The following SATB2 variants were observed in gnomAD, a reference collection of about 807,000 sequenced individuals.
The protein encoded by SATB2 is DNA-binding protein SATB2.
In SATB2, 1 loss-of-function variant was observed where a neutral mutation model predicts 73.4. That is an observed-to-expected ratio of 0.01 (90% CI 0.00 to 0.06). The LOEUF is 0.06. Ranked by LOEUF, SATB2 falls within the 10% of genes least tolerant of loss-of-function variation. The probability of loss-of-function intolerance (pLI) is 1.00; values close to 1 mark genes in which losing one functional copy is unlikely to be tolerated. For synonymous variants in SATB2, 397 were observed against 367.0 expected, an observed-to-expected ratio of 1.08 and a Z score of -0.93; for missense variants, 459 against 945.8, an observed-to-expected ratio of 0.49 and a Z score of 6.75.
chr2:199,386,374 C>A (rs1689932648), intron 3 of SATB2, among the ~76,000 whole-genome samples: 1 of 152,086 alleles, frequency 6.6e-6, no homozygotes. Flanking sequence ...AGCGCTCATT[C>A]CAAGGGGAGA....
intron 3 of SATB2, among the ~76,000 whole-genome samples, chr2:199,431,366 C>A (rs1354003383): frequency 1.3e-5 from 2 of 152,168 alleles, no homozygotes; most frequent in African/African-American, 4.8e-5. Context: ...CCCCAAAACA[C>A]AGATCAGCAG....
At chr2:199,422,304 T>G (rs1051469661) in intron 3 of SATB2, among the ~76,000 whole-genome samples, 2 of 134,454 alleles carry the variant, frequency 1.5e-5, no homozygotes, top group South Asian at 4.9e-4. Context: ...AATTTTTAGT[T>G]TTTTTTTTTG....
rs1018090237 is a variant in SATB2, at chr2:199,406,394, T to C, written c.347-24574A>G. ...AATCTATTAAATTCCAAGCCCTATA[T>C]GTTAATATGTTTCATTTTTACAATG... On this transcript the variant is annotated intron_variant, in intron 3 of 10. Transcript: ENST00000417098. 2.0e-5 allele frequency among the ~76,000 whole-genome samples: 3 copies of C among 152,330 alleles called. No homozygotes were observed. In the East Asian group the frequency reaches 5.8e-4, roughly 29 times the overall value.
rs549229193 is a variant in SATB2, at chr2:199,407,582, A to C, written c.346+25756T>G. On this transcript the variant is annotated intron_variant, in intron 3 of 10. Coordinates refer to ENST00000417098, the MANE Select transcript of SATB2 (RefSeq NM_001172509.2). ...ACTCAATGATGATCTAGAAAAACAC[A>C]GGACAACTGCTGTGGGAGATGATGT... is the stretch of plus-strand genomic sequence containing the variant. Among the ~76,000 whole-genome samples, 4 of 152,312 alleles carry C rather than the reference A, an allele frequency of 2.6e-5. No individual in the cohort carries two copies. The South Asian group carries it at 8.3e-4, about 32-fold the overall frequency.
chr2:199,272,764 G>A lies in SATB2; in HGVS notation c.1741-92C>T. 8.6e-7 allele frequency: 1 copy of A among 1,159,124 alleles called. No homozygotes were observed. Among genetic ancestry groups the A allele is most frequent in the Non-Finnish European group, 1.3e-6 (1 of 769,984 alleles). 71.8% of individuals were successfully genotyped at this position (1,159,124 alleles called of 1,614,324 possible). A position where few individuals can be genotyped will look rare whatever the true frequency, so the allele number is the denominator to read the frequency against. ...CTCTGAAATATGTGTTATCTATCTA[G>A]CACTGGAGGTAAGCTATAGTCATTT... is the stretch of plus-strand genomic sequence containing the variant. On this transcript the variant is annotated intron_variant, in intron 10 of 10. Transcript: ENST00000417098. The surrounding 1 kb of genome is among the most constrained non-coding windows in gnomAD (Gnocchi z 6.7).
chr2:199,313,185 G>T (rs1167706505), intron 9 of SATB2, among the ~76,000 whole-genome samples: 1 of 152,088 alleles, frequency 6.6e-6, no homozygotes, highest in Non-Finnish European at 1.5e-5. Context: ...GGAAGATAGG[G>T]GAGGGATATA....
intron 10 of SATB2, among the ~76,000 whole-genome samples, chr2:199,273,096 G>A (rs1432951973): frequency 6.6e-6 from 1 of 151,972 alleles, no homozygotes; most frequent in Non-Finnish European, 1.5e-5. Flanking sequence ...AGTAACCCTG[G>A]GCAAATCACT....
At chr2:199,374,156 G>T (rs1001180252) in intron 5 of SATB2, among the ~76,000 whole-genome samples, 3 of 152,170 alleles carry the variant, frequency 2.0e-5, no homozygotes, top group East Asian at 3.8e-4. Context: ...CCATACCATT[G>T]TCACACCGGA....
chr2:199,321,895 A>C (rs973757012), intron 9 of SATB2, among the ~76,000 whole-genome samples: 1 of 152,116 alleles, frequency 6.6e-6, no homozygotes, highest in Non-Finnish European at 1.5e-5. Flanking sequence ...ACAACCTCAA[A>C]GCATCTTATC....
intron 3 of SATB2, among the ~76,000 whole-genome samples, chr2:199,409,312 A>G (rs1222284347): frequency 6.6e-6 from 1 of 151,940 alleles, no homozygotes; most frequent in African/African-American, 2.4e-5. Flanking sequence ...CTGGAATTAC[A>G]GGCATGTGCC....
At position 199,323,931 on chromosome 2, in the gene SATB2, G is replaced by A. The variant is rs752719791; in HGVS notation, c.1414C>T (p.Leu472Phe). 3.1e-6 allele frequency: 5 copies of A among 1,613,394 alleles called. No individual in the cohort carries two copies. The highest frequency in any genetic ancestry group is 1.3e-5 in the African/African-American group (1 of 74,984). Residue 472 changes from leucine (L) to phenylalanine (F), a missense_variant, in exon 9 of 11, where the codon CTC becomes TTC. Leu to Phe is a conservative substitution (Grantham distance 22, BLOSUM62 0). Transcript: ENST00000417098. ...TTGGCGCCGTCCACCTTAATAGGGA[G>A]GTCTGTTGTCGGTGTCGAGGTTTTG... ...QAKTSTPTTD[L>F]PIKVDGANIN... is the part of the protein sequence containing the mutation.
At chr2:199,426,364 C>T (rs1156292699) in intron 3 of SATB2, among the ~76,000 whole-genome samples, 1 of 152,090 alleles carries the variant, frequency 6.6e-6, no homozygotes, top group Non-Finnish European at 1.5e-5. Context: ...TCTCAGCTCA[C>T]TATAACCTCC....
chr2:199,388,730 T>C (rs188198160), intron 3 of SATB2, among the ~76,000 whole-genome samples: 29 of 152,158 alleles, frequency 1.9e-4, no homozygotes, highest in Admixed American at 1.8e-3. Flanking sequence ...GTATATCTCA[T>C]AACTCCCTGG....
rs191792353 is a variant in SATB2, at chr2:199,408,758, T to C, written c.346+24580A>G. 5.5e-3 allele frequency among the ~76,000 whole-genome samples: 830 copies of C among 151,588 alleles called. 6 individuals carry two copies. Among genetic ancestry groups the C allele is most frequent in the Middle Eastern group, 0.031 (9 of 286 alleles). ...TCTGAGTTGTAGAAAAAGAACTATA[T>C]CAATATACTTTCAAGATGATTTCCT... On this transcript the variant is annotated intron_variant, in intron 3 of 10. Coordinates refer to ENST00000417098, the MANE Select transcript of SATB2 (RefSeq NM_001172509.2).
At chr2:199,374,868 CG>C (rs1043128988) in intron 5 of SATB2, among the ~76,000 whole-genome samples, 6 of 150,466 alleles carry the variant, frequency 4.0e-5, no homozygotes, top group African/African-American at 1.5e-4. Flanking sequence ...GGAGGCTGAG[CG>C]GGGAGAATTG....
At chr2:199,377,226 A>T (rs1293484139) in intron 5 of SATB2, among the ~76,000 whole-genome samples, 10 of 152,116 alleles carry the variant, frequency 6.6e-5, no homozygotes, top group Non-Finnish European at 1.3e-4. Flanking sequence ...AATACAAAAA[A>T]AAAATACCCA....
chr2:199,323,186 C>G (rs1161187981), intron 9 of SATB2, among the ~76,000 whole-genome samples: 3 of 152,086 alleles, frequency 2.0e-5, no homozygotes, highest in Non-Finnish European at 4.4e-5. Context: ...TTACATTCTC[C>G]ACAATCCCAG....
In SATB2 at chr2:199,270,065, C is replaced by T. The variant is rs1329657536; in HGVS notation, c.*2146G>A. 1 of 152,642 alleles carries T rather than the reference C, an allele frequency of 6.6e-6. No homozygotes were observed. The highest frequency in any genetic ancestry group is 1.5e-5 in the Non-Finnish European group (1 of 68,014). 9.5% of individuals were successfully genotyped at this position (152,642 alleles called of 1,614,324 possible). Reference sequence around the variant, plus strand: ...GACCTTCAGCAACAGTGTAAGAAGACAATTTGGAAAGAGTAACTCGGAGAT... The same window carrying T: ...GACCTTCAGCAACAGTGTAAGAAGATAATTTGGAAAGAGTAACTCGGAGAT... On this transcript the variant is annotated 3_prime_UTR_variant, in exon 11 of 11. Coordinates refer to ENST00000417098, the MANE Select transcript of SATB2 (RefSeq NM_001172509.2).
At chr2:199,452,047 T>A (rs1026143973) in intron 2 of SATB2, among the ~76,000 whole-genome samples, 4 of 152,086 alleles carry the variant, frequency 2.6e-5, no homozygotes, top group African/African-American at 9.6e-5. Flanking sequence ...AAAAAGCAAA[T>A]CTCTCTAAAA....
Sources: gnomAD v4.1 joint callset for allele counts (sites outside exome capture counted in the v4.1 genomes callset) on GRCh38, gnomAD v4.1.1 for gene constraint, Gnocchi (gnomAD v3.1) non-coding constraint, MANE v1.5 for transcripts, NCBI Gene and HGNC (gene_info 2026-07-23, HGNC 2026-07-21) for gene names.